Variants in SCNN1B observed in about 807,000 individuals in gnomAD.
SCNN1B encodes the protein sodium channel epithelial 1 subunit beta, also known as epithelial sodium channel subunit beta.
In SCNN1B, 46 loss-of-function variants were observed where a neutral mutation model predicts 65.3. The ratio of observed to expected loss-of-function variants is 0.70; its 90% CI spans 0.56 to 0.90. The LOEUF is 0.90. Among genes scored for constraint, SCNN1B ranks in the 40% least tolerant of loss-of-function variants. SCNN1B has a pLI of 0.00. For synonymous variants in SCNN1B, 349 were observed against 330.6 expected (o/e 1.06, Z -0.60); for missense variants, 751 against 830.5 (o/e 0.90, Z 1.18).
chr16:23,293,933 A>G (rs1362913058), intron 2 of SCNN1B, among the ~76,000 whole-genome samples: 1 of 152,168 alleles, frequency 6.6e-6, no homozygotes, highest in Non-Finnish European at 1.5e-5. Context: ...TAAAAAAAGA[A>G]AAATGGTTAA....
Position 23,348,997 on chromosome 16 carries a change from C to T in SCNN1B, c.311+87C>T. On this transcript the variant is annotated intron_variant, in intron 2 of 12. Coordinates refer to ENST00000343070, the MANE Select transcript of SCNN1B (RefSeq NM_000336.3). The surrounding 1 kb of genome is among the most constrained non-coding windows in gnomAD (Gnocchi z 4.5). ...CTTCCCTTCTACCTTTCCTTTCCTT[C>T]CTTTCCTTCCTTCTCCTTTCTCTCC... is the stretch of plus-strand genomic sequence containing the variant. 1 of 1,072,690 alleles carries T rather than the reference C, an allele frequency of 9.3e-7. No individual in the cohort carries two copies. The highest frequency in any genetic ancestry group is 1.4e-6 in the Non-Finnish European group (1 of 694,570). The allele number at this position is 1,072,690 out of a possible 1,614,324, so 66.4% of individuals were successfully genotyped here. A position where few individuals can be genotyped will look rare whatever the true frequency, so the allele number is the denominator to read the frequency against.
At chr16:23,323,426 C>T in intron 1 of SCNN1B, 1 of 647,164 alleles carries the variant, frequency 1.5e-6, no homozygotes, top group Non-Finnish European at 2.8e-6. Context: ...TGGGTATATG[C>T]AAATAAGAAG....
intron 4 of SCNN1B, among the ~76,000 whole-genome samples, 188 bp from the exon 5 acceptor site, chr16:23,367,668 C>A (rs555015514): frequency 1.2e-4 from 19 of 152,358 alleles, no homozygotes; most frequent in African/African-American, 4.6e-4. Context: ...AACTCTCTTC[C>A]CCTGCTTTCC....
intron 1 of SCNN1B, among the ~76,000 whole-genome samples, chr16:23,309,137 T>A (rs539973258): frequency 1.3e-5 from 2 of 152,208 alleles, no homozygotes; most frequent in South Asian, 2.1e-4. Flanking sequence ...AGAAACCAAT[T>A]TTTTTTCAGA....
chr16:23,380,101 A>G lies in SCNN1B; in HGVS notation c.1474A>G (p.Ile492Val), dbSNP rs367741209. ...STNITLSRKG[I>V]VKLNIYFQEF... is the part of the protein sequence containing the mutation. ...TCTCGCTGCCTCCTGCAGGAAGGGAATTGTCAAGCTCAACATCTACTTCCA... is the reference window on the plus strand; with the variant it reads ...TCTCGCTGCCTCCTGCAGGAAGGGAGTTGTCAAGCTCAACATCTACTTCCA... The change falls in exon 12 of 13, where the codon ATT becomes GTT. Residue 492 changes from isoleucine to valine, a missense_variant. Physicochemically the swap from Ile to Val is conservative, Grantham distance 29. Transcript: ENST00000343070. The surrounding 1 kb of genome is among the most constrained non-coding windows in gnomAD (Gnocchi z 5.4). 34 of 1,613,772 alleles carry G rather than the reference A, an allele frequency of 2.1e-5. No homozygotes were observed. The African/African-American group carries it at 2.5e-4, about 12-fold the overall frequency.
chr16:23,367,828 G>A, intron 4 of SCNN1B, 28 bp from the exon 5 acceptor site: 1 of 1,562,346 alleles, frequency 6.4e-7, no homozygotes, highest in Middle Eastern at 1.7e-4. Flanking sequence ...GGTGGAACCT[G>A]CCCTGCAGCT....
intron 2 of SCNN1B, among the ~76,000 whole-genome samples, chr16:23,288,077 G>GC (rs1411954785): frequency 6.6e-6 from 1 of 151,980 alleles, no homozygotes; most frequent in Non-Finnish European, 1.5e-5. Flanking sequence ...CATCACTTGA[G>GC]CCCTGGTTGA....
At chr16:23,306,925 G>C (rs530029899) in intron 1 of SCNN1B, among the ~76,000 whole-genome samples, 2 of 152,320 alleles carry the variant, frequency 1.3e-5, no homozygotes, top group Non-Finnish European at 2.9e-5. Flanking sequence ...TGAGTAACTA[G>C]TATGTGCAGG....
chr16:23,353,119 T>A, intron 3 of SCNN1B, 45 bp downstream of exon 3: 2 of 1,596,084 alleles, frequency 1.3e-6, no homozygotes, highest in Non-Finnish European at 1.7e-6. Flanking sequence ...CCCCACCCAG[T>A]GAGGCTGATG....
At chr16:23,341,129 G>A (rs1255728486) in intron 1 of SCNN1B, among the ~76,000 whole-genome samples, 1 of 152,074 alleles carries the variant, frequency 6.6e-6, no homozygotes, top group Non-Finnish European at 1.5e-5. Flanking sequence ...TAATCTATGA[G>A]CATGGTATAG....
chr16:23,368,093 G>C, intron 5 of SCNN1B, 134 bp downstream of exon 5: 1 of 787,152 alleles, frequency 1.3e-6, no homozygotes, highest in Non-Finnish European at 2.2e-6. Context: ...GGCTGCTACC[G>C]AGGCTCTACT....
chr16:23,316,784 AC>A (rs1214895277), intron 1 of SCNN1B, among the ~76,000 whole-genome samples: 4 of 148,970 alleles, frequency 2.7e-5, no homozygotes, highest in African/African-American at 9.8e-5. Context: ...CATCATCAAC[AC>A]CATCACTATC....
Position 23,355,296 on chromosome 16 carries a change from C to T in SCNN1B, c.586-3C>T. On this transcript the variant is annotated splice_region_variant and splice_polypyrimidine_tract_variant and intron_variant, in intron 3 of 12. Coordinates refer to ENST00000343070, the MANE Select transcript of SCNN1B (RefSeq NM_000336.3). ...CCACAAAAACCCCTCTTGGCCTCCA[C>T]AGTGTAGCCTCAACAGGACCCAGTG... The T allele has an allele frequency of 6.2e-7, 1 of 1,614,176 alleles. No individual in the cohort carries two copies. The highest frequency in any genetic ancestry group is 8.5e-7 in the Non-Finnish European group (1 of 1,180,004).
rs748918495 is a variant in SCNN1B, at chr16:23,371,811, G to A, written c.1080G>A (p.Pro360=). The part of the protein sequence containing the change: ...KLQRMGEPYS[P]CTVNGSEVPV... ...AGCGCATGGGGGAGCCCTACAGCCC[G>A]TGCACCGTGAATGGTTCTGAGGTCC... The change falls in exon 7 of 13, where the codon CCG becomes CCA. Residue 360 remains proline (P), a synonymous_variant. Coordinates refer to ENST00000343070, the MANE Select transcript of SCNN1B (RefSeq NM_000336.3). 5.0e-6 allele frequency: 8 copies of A among 1,614,072 alleles called. No individual in the cohort carries two copies. The highest frequency in any genetic ancestry group is 3.3e-4 in the Middle Eastern group (2 of 6,084).
chr16:23,323,713 A>C (rs1294230589), intron 1 of SCNN1B: 2 of 653,380 alleles, frequency 3.1e-6, no homozygotes, highest in South Asian at 3.5e-5. Flanking sequence ...ACCAGGTTGC[A>C]AGGTGTCTTA....
At chr16:23,328,107 T>C (rs1464296658) in intron 1 of SCNN1B, among the ~76,000 whole-genome samples, 1 of 152,232 alleles carries the variant, frequency 6.6e-6, no homozygotes, top group Non-Finnish European at 1.5e-5. Flanking sequence ...GAAGGTGTTT[T>C]ATCTAATCTG....
At chr16:23,325,362 G>T (rs914148896) in intron 1 of SCNN1B, among the ~76,000 whole-genome samples, 3 of 151,882 alleles carry the variant, frequency 2.0e-5, no homozygotes, top group Admixed American at 6.6e-5. Flanking sequence ...CGCCTCCCAG[G>T]TTCAAGTGAC....
chr16:23,337,657 C>A (rs139956393), intron 1 of SCNN1B, among the ~76,000 whole-genome samples: 5,007 of 152,030 alleles, frequency 0.033, 286 homozygotes, highest in African/African-American at 0.11. Flanking sequence ...TGATTACAGG[C>A]TTGAGCCACC....
At chr16:23,299,062 T>C (rs559022726), upstream of SCNN1B, among the ~76,000 whole-genome samples, 11 of 149,322 alleles carry the variant, frequency 7.4e-5, no homozygotes, top group Non-Finnish European at 1.5e-4. Flanking sequence ...TCTTTTTCTT[T>C]TTTTTTTTTT....
Sources: gnomAD v4.1 joint callset for allele counts (sites outside exome capture counted in the v4.1 genomes callset) on GRCh38, gnomAD v4.1.1 for gene constraint, Gnocchi (gnomAD v3.1) non-coding constraint, MANE v1.5 for transcripts, NCBI Gene and HGNC (gene_info 2026-07-23, HGNC 2026-07-21) for gene names.